Variants in UPF3A observed in about 807,000 individuals in gnomAD.
UPF3A encodes the protein regulator of nonsense transcripts 3A.
Under a neutral mutation model 53.5 loss-of-function variants are expected in UPF3A, and 42 were observed. The ratio of observed to expected loss-of-function variants is 0.78; its 90% CI spans 0.61 to 1.01. UPF3A has a LOEUF of 1.01. Ranked by LOEUF, UPF3A falls within the 50% of genes least tolerant of loss-of-function variation. UPF3A has a pLI of 0.00. For synonymous variants in UPF3A, 237 were observed against 225.3 expected (o/e 1.05, Z -0.47); for missense variants, 575 against 598.0 (o/e 0.96, Z 0.40).
rs1461300014 is a variant in UPF3A at position 114,303,504 on chromosome 13, G to A, written c.1303-1285G>A. Among the ~76,000 whole-genome samples, 10 of 152,188 alleles carry A rather than the reference G, an allele frequency of 6.6e-5. No individual in the cohort carries two copies. In the East Asian group the frequency reaches 1.5e-3, roughly 24 times the overall value. On this transcript the variant is annotated intron_variant, in intron 9 of 9. Transcript: ENST00000375299. ...TGCCCTGGTAAGAAGCAGAATTGTC[G>A]GCCCGGTGCGGTGGCTCATGCCTAT... is the stretch of plus-strand genomic sequence containing the variant.
chr13:114,281,814 C>G lies in UPF3A; in HGVS notation c.175C>G (p.Pro59Ala), dbSNP rs1309084759. The stretch of plus-strand genomic sequence containing the variant: ...CGGTTGCGGGGGCGGTGCGGGCAAA[C>G]CTCGCGAGGAGAAGAGGACGGCCCT... Reference protein sequence around the residue: ...SSGCGGGAGKPREEKRTALSK... With the variant: ...SSGCGGGAGKAREEKRTALSK... Residue 59 changes from proline to alanine, a missense_variant, in exon 1 of 10, where the codon CCT (proline) becomes GCT (alanine). By Grantham distance (27) the Pro-to-Ala change is conservative. Coordinates refer to ENST00000375299, the MANE Select transcript of UPF3A (RefSeq NM_023011.4). 6.5e-7 allele frequency: 1 copy of G among 1,546,646 alleles called. No homozygotes were observed. The highest frequency in any genetic ancestry group is 1.4e-5 in the African/African-American group (1 of 72,328).
intron 7 of UPF3A, among the ~76,000 whole-genome samples, chr13:114,297,862 G>T (rs1412315622): frequency 6.6e-6 from 1 of 152,154 alleles, no homozygotes; most frequent in Non-Finnish European, 1.5e-5. Flanking sequence ...ACAAAAGTTA[G>T]CCAGGTGTGG....
chr13:114,290,734 CTTTTTTT>C (rs112441605), intron 5 of UPF3A, among the ~76,000 whole-genome samples: 3 of 138,424 alleles, frequency 2.2e-5, no homozygotes, highest in Non-Finnish European at 1.6e-5. Context: ...TCTTTTTTTT[CTTTTTTT>C]TTTTTTTTTG....
chr13:114,303,787 A>T (rs906232725), intron 9 of UPF3A, among the ~76,000 whole-genome samples: 2 of 152,224 alleles, frequency 1.3e-5, no homozygotes, highest in African/African-American at 4.8e-5. Context: ...ACTTTGTCTC[A>T]GAAAAAAAAG....
At chr13:114,300,877 G>C (rs1381693904) in intron 8 of UPF3A, among the ~76,000 whole-genome samples, 1 of 151,718 alleles carries the variant, frequency 6.6e-6, no homozygotes, top group Non-Finnish European at 1.5e-5. Context: ...ATTTCATCAT[G>C]TTGGCCAGGC....
intron 3 of UPF3A, chr13:114,284,140 G>A (rs1349948002): frequency 1.1e-6 from 1 of 898,130 alleles, no homozygotes; most frequent in Non-Finnish European, 1.3e-6. Flanking sequence ...AAGGCGGGTG[G>A]ATCACGAGGT....
chr13:114,300,902 T>C (rs1053239330), intron 8 of UPF3A, among the ~76,000 whole-genome samples: 2 of 151,722 alleles, frequency 1.3e-5, no homozygotes, highest in Non-Finnish European at 2.9e-5. Context: ...CTCAATCTCC[T>C]GACCTCAAAT....
In UPF3A at chr13:114,282,095, C is replaced by A; in HGVS notation, c.282C>A (p.His94Gln). 6.3e-7 allele frequency: 1 copy of A among 1,577,320 alleles called. No individual in the cohort carries two copies. The highest frequency in any genetic ancestry group is 8.6e-7 in the Non-Finnish European group (1 of 1,162,616). Reference protein sequence around the residue: ...LEEQLRPLPAHDYFEFFAADL... With the variant: ...LEEQLRPLPAQDYFEFFAADL... The stretch of plus-strand genomic sequence containing the variant: ...AGCAGCTGCGCCCGCTGCCAGCACA[C>A]GACTACTTCGAGTTCTTCGCCGCCG... The change falls in exon 2 of 10, where the codon CAC becomes CAA. Residue 94 changes from histidine to glutamine, a missense_variant. By Grantham distance (24) the His-to-Gln change is conservative. Around this residue, in one of 2 missense-constraint regions of UPF3A, gnomAD observed 252 missense variants for 182.7 expected, o/e 1.38. Coordinates refer to ENST00000375299, the MANE Select transcript of UPF3A (RefSeq NM_023011.4).
intron 8 of UPF3A, among the ~76,000 whole-genome samples, chr13:114,301,386 C>T (rs2086590878): frequency 6.6e-6 from 1 of 151,638 alleles, no homozygotes; most frequent in Admixed American, 6.6e-5. Context: ...TGGTGTGAAC[C>T]CAGGAGGCGG....
chr13:114,289,542 AT>A (rs1234982159), intron 5 of UPF3A, among the ~76,000 whole-genome samples: 26 of 144,734 alleles, frequency 1.8e-4, no homozygotes, highest in South Asian at 2.3e-4. Flanking sequence ...AAAAAAAAAA[AT>A]TTTAGGCAAT....
At position 114,282,020 on chromosome 13, in the gene UPF3A, G is replaced by T; in HGVS notation, c.208-1G>T. ...TGGGAACGGCCGCGCGCTCCCCGCA[G>T]GTGGTCATCCGCCGCCTGCCTCCGG... is the stretch of plus-strand genomic sequence containing the variant. On this transcript the variant is annotated splice_acceptor_variant, in intron 1 of 9. Transcript: ENST00000375299. LOFTEE classifies it high-confidence loss of function. 6.4e-7 allele frequency: 1 copy of T among 1,552,480 alleles called. No individual in the cohort carries two copies. Among genetic ancestry groups the T allele is most frequent in the South Asian group, 1.2e-5 (1 of 84,618 alleles).
intron 8 of UPF3A, among the ~76,000 whole-genome samples, chr13:114,300,670 G>A (rs1393686315): frequency 1.3e-5 from 2 of 152,264 alleles, no homozygotes. Flanking sequence ...CTCCTGAGTA[G>A]CTGGAATTAC....
rs776554800 is a variant in UPF3A at position 114,281,811 on chromosome 13, A to C, written c.172A>C (p.Lys58Gln). The C allele has an allele frequency of 6.5e-7, 1 of 1,546,614 alleles. No individual in the cohort carries two copies. Among genetic ancestry groups the C allele is most frequent in the Admixed American group, 1.9e-5 (1 of 51,548 alleles). ...CTCCGGTTGCGGGGGCGGTGCGGGCAAACCTCGCGAGGAGAAGAGGACGGC... is the reference window on the plus strand; with the variant it reads ...CTCCGGTTGCGGGGGCGGTGCGGGCCAACCTCGCGAGGAGAAGAGGACGGC... ...SSSGCGGGAG[K>Q]PREEKRTALS... Residue 58 changes from lysine (K) to glutamine (Q), a missense_variant, in exon 1 of 10, where the codon AAA (lysine) becomes CAA (glutamine). Physicochemically the swap from Lys to Gln is moderately conservative, Grantham distance 53. Coordinates refer to ENST00000375299, the MANE Select transcript of UPF3A (RefSeq NM_023011.4).
Position 114,301,801 on chromosome 13 carries a change from A to G in UPF3A, c.1078A>G (p.Arg360Gly). 1 of 1,613,988 alleles carries G rather than the reference A, an allele frequency of 6.2e-7. No homozygotes were observed. ...RSQEQESEAQ[R>G]YHVDDGRRHR... ...TCAAGAACAAGAATCTGAAGCACAA[A>G]GATACCATGTGGATGACGGCAGGAG... The change falls in exon 9 of 10, where the codon AGA becomes GGA. Residue 360 changes from arginine to glycine, a missense_variant. Coordinates refer to ENST00000375299, the MANE Select transcript of UPF3A (RefSeq NM_023011.4).
At chr13:114,292,780 A>G (rs1309843587) in intron 7 of UPF3A, among the ~76,000 whole-genome samples, 1 of 152,030 alleles carries the variant, frequency 6.6e-6, no homozygotes, top group Admixed American at 6.5e-5. Context: ...CCCTCCTCCC[A>G]TTCTCCACCC....
At chr13:114,286,173 T>G (rs1176281130) in intron 3 of UPF3A, 129 bp from the exon 4 acceptor site, 1 of 1,158,892 alleles carries the variant, frequency 8.6e-7, no homozygotes, top group Non-Finnish European at 1.2e-6. Flanking sequence ...GAAGGATGAA[T>G]TATAGTTTAA....
chr13:114,289,522 CA>C (rs144534172), intron 5 of UPF3A, among the ~76,000 whole-genome samples: 44,827 of 103,584 alleles, frequency 0.43, 7,192 homozygotes, highest in East Asian at 0.7. Context: ...GACTCCATCT[CA>C]AAAAAAAAAA....
chr13:114,290,411 T>C (rs1369413853), intron 5 of UPF3A, among the ~76,000 whole-genome samples: 1 of 151,780 alleles, frequency 6.6e-6, no homozygotes, highest in African/African-American at 2.4e-5. Context: ...AGTTTTCAGG[T>C]ACATCCAGGG....
chr13:114,301,118 A>G (rs1006566393), intron 8 of UPF3A, among the ~76,000 whole-genome samples: 16 of 151,802 alleles, frequency 1.1e-4, no homozygotes, highest in African/African-American at 3.2e-4. Flanking sequence ...TGGTCAAAAG[A>G]AGGTATTTAC....
Sources: gnomAD v4.1 joint callset for allele counts (sites outside exome capture counted in the v4.1 genomes callset) on GRCh38, gnomAD v4.1.1 for gene constraint, gnomAD v4.1.1 regional missense constraint, MANE v1.5 for transcripts, NCBI Gene and HGNC (gene_info 2026-07-23, HGNC 2026-07-21) for gene names.